DIS3L2: variants seen among roughly 807,000 people sequenced by gnomAD.
DIS3L2 encodes the protein DIS3-like exonuclease 2.
Under a neutral mutation model 97.5 loss-of-function variants are expected in DIS3L2, and 34 were observed. That is an observed-to-expected ratio of 0.35 (90% confidence interval 0.27 to 0.46). The LOEUF (loss-of-function observed/expected upper bound fraction) is 0.46, where lower values mean the gene tolerates loss of function less well. Ranked by LOEUF, DIS3L2 falls within the 20% of genes least tolerant of loss-of-function variation. The pLI, the probability that DIS3L2 is intolerant of heterozygous loss-of-function variation, is 1.00. For synonymous variants in DIS3L2, 435 were observed against 445.2 expected (o/e 0.98, Z 0.29); for missense variants, 1,038 against 1,146.0 (o/e 0.91, Z 1.36).
intron 9 of DIS3L2, among the ~76,000 whole-genome samples, chr2:232,203,523 C>T (rs1315935414): frequency 6.6e-6 from 1 of 152,214 alleles, no homozygotes; most frequent in Non-Finnish European, 1.5e-5. Context: ...TGGAAAAGTG[C>T]TCCACAAGAG....
chr2:232,132,088 T>C (rs917890386), intron 7 of DIS3L2, among the ~76,000 whole-genome samples: 4 of 152,142 alleles, frequency 2.6e-5, no homozygotes, highest in African/African-American at 9.7e-5. Context: ...TAGTCAGAGC[T>C]GAGTAGAGGC....
At chr2:232,041,624 AT>A (rs1180590847) in intron 5 of DIS3L2, among the ~76,000 whole-genome samples, 1 of 152,188 alleles carries the variant, frequency 6.6e-6, no homozygotes, top group African/African-American at 2.4e-5. Flanking sequence ...CAGCTGTGGT[AT>A]TTTAGTTGAT....
At chr2:232,191,026 C>G (rs1691606388) in intron 9 of DIS3L2, among the ~76,000 whole-genome samples, 1 of 152,156 alleles carries the variant, frequency 6.6e-6, no homozygotes, top group South Asian at 2.1e-4. Flanking sequence ...TTTCTTTGTC[C>G]TTTGGATATC....
intron 9 of DIS3L2, among the ~76,000 whole-genome samples, chr2:232,206,524 ATTC>A (rs1692029500): frequency 1.3e-5 from 2 of 152,192 alleles, no homozygotes; most frequent in African/African-American, 4.8e-5. Context: ...ACAAAATAGT[ATTC>A]TTCTTTTGAT....
chr2:232,219,334 G>A (rs1411538378), intron 10 of DIS3L2, among the ~76,000 whole-genome samples: 1 of 152,084 alleles, frequency 6.6e-6, no homozygotes, highest in Admixed American at 6.5e-5. Flanking sequence ...TTGCTACCCT[G>A]CATTTTAAAA....
At chr2:232,161,153 T>C (rs970510531) in intron 8 of DIS3L2, among the ~76,000 whole-genome samples, 3 of 152,114 alleles carry the variant, frequency 2.0e-5, no homozygotes, top group African/African-American at 7.2e-5. Context: ...CTTGACCTCA[T>C]GATCCTCCTG....
At chr2:232,082,625 G>T (rs1416069231) in intron 5 of DIS3L2, among the ~76,000 whole-genome samples, 1 of 152,142 alleles carries the variant, frequency 6.6e-6, no homozygotes, top group Non-Finnish European at 1.5e-5. Flanking sequence ...CCAGTCCCTG[G>T]CACTGAAAAG....
At position 232,336,777 on chromosome 2, in the gene DIS3L2, C is replaced by T; in HGVS notation, c.*147C>T. The T allele has an allele frequency of 6.8e-7, 1 of 1,471,028 alleles. No homozygotes were observed. Among genetic ancestry groups the T allele is most frequent in the East Asian group, 2.5e-5 (1 of 40,020 alleles). The allele number at this position is 1,471,028 out of a possible 1,614,324, so 91.1% of individuals were successfully genotyped here. On this transcript the variant is annotated 3_prime_UTR_variant, in exon 21 of 21. Transcript: ENST00000325385. The stretch of plus-strand genomic sequence containing the variant: ...TTTTTATTTAATTTTTGCAGCTCAA[C>T]TTTTAAACAAACTGCAGGGGAGAGG...
intron 1 of DIS3L2, among the ~76,000 whole-genome samples, chr2:231,975,255 T>C (rs567937073): frequency 2.0e-5 from 3 of 152,080 alleles, no homozygotes; most frequent in East Asian, 3.9e-4. Context: ...AATAATGAGG[T>C]CACTAGCATG....
At chr2:232,300,471 T>C (rs1176068048) in intron 14 of DIS3L2, among the ~76,000 whole-genome samples, 1 of 152,196 alleles carries the variant, frequency 6.6e-6, no homozygotes, top group Admixed American at 6.5e-5. Context: ...GTTGTAGTTC[T>C]CAGTCACTAT....
intron 13 of DIS3L2, among the ~76,000 whole-genome samples, chr2:232,299,592 C>G (rs1694806006): frequency 6.6e-6 from 1 of 152,212 alleles, no homozygotes; most frequent in South Asian, 2.1e-4. Context: ...CTATCCAGGT[C>G]AGGCTCTTCA....
chr2:232,057,382 G>A (rs1175364433), intron 5 of DIS3L2, among the ~76,000 whole-genome samples: 1 of 152,130 alleles, frequency 6.6e-6, no homozygotes, highest in Non-Finnish European at 1.5e-5. Flanking sequence ...CTATGAGCAA[G>A]TCGCAATTTT....
intron 1 of DIS3L2, among the ~76,000 whole-genome samples, chr2:231,993,274 T>C: frequency 6.6e-6 from 1 of 152,036 alleles, no homozygotes; most frequent in South Asian, 2.1e-4. Context: ...AGTGCAGTGG[T>C]ACGATCTTGG....
At chr2:232,008,506 A>G (rs771819809) in intron 1 of DIS3L2, among the ~76,000 whole-genome samples, 3 of 152,098 alleles carry the variant, frequency 2.0e-5, no homozygotes, top group Non-Finnish European at 4.4e-5. Context: ...AACCCTTCCA[A>G]TTAACAGGTA....
intron 8 of DIS3L2, among the ~76,000 whole-genome samples, chr2:232,147,729 C>T (rs1227713522): frequency 1.3e-5 from 2 of 152,084 alleles, no homozygotes; most frequent in East Asian, 3.9e-4. Flanking sequence ...GGGAAAGTTA[C>T]TTTCATGATT....
At chr2:232,057,631 C>T (rs746818118) in intron 5 of DIS3L2, among the ~76,000 whole-genome samples, 8 of 152,086 alleles carry the variant, frequency 5.3e-5, no homozygotes, top group Non-Finnish European at 1.2e-4. Flanking sequence ...GGACCCTAAT[C>T]GTTAAACCAT....
intron 5 of DIS3L2, among the ~76,000 whole-genome samples, chr2:232,079,229 A>G (rs1696309875): frequency 3.3e-5 from 5 of 152,314 alleles, no homozygotes; most frequent in African/African-American, 9.6e-5. Context: ...CATGAAACCT[A>G]TATTCTAGTT....
chr2:232,140,810 A>C (rs1299648375), intron 8 of DIS3L2, among the ~76,000 whole-genome samples: 6 of 152,182 alleles, frequency 3.9e-5, no homozygotes, highest in Non-Finnish European at 5.9e-5. Context: ...GTTGTTATAA[A>C]GTTATTTTCT....
intron 6 of DIS3L2, among the ~76,000 whole-genome samples, chr2:232,103,384 A>C (rs554216370): frequency 6.6e-6 from 1 of 152,158 alleles, no homozygotes; most frequent in Non-Finnish European, 1.5e-5. Context: ...AAGTTAACCA[A>C]ATGTCCTCTT....
Sources: gnomAD v4.1 joint callset for allele counts (sites outside exome capture counted in the v4.1 genomes callset) on GRCh38, gnomAD v4.1.1 for gene constraint, MANE v1.5 for transcripts, NCBI Gene and HGNC (gene_info 2026-07-23, HGNC 2026-07-21) for gene names.